Variants in ZBED1 observed in about 807,000 individuals in gnomAD.
ZBED1 encodes zinc finger BED-type containing 1, also known as E3 SUMO-protein ligase ZBED1.
A neutral mutation model predicts 49.7 loss-of-function variants in ZBED1; 19 were observed. The ratio of observed to expected loss-of-function variants is 0.38; its 90% CI spans 0.27 to 0.56. The LOEUF (loss-of-function observed/expected upper bound fraction) is 0.56, where lower values mean the gene tolerates loss of function less well. Ranked by LOEUF, ZBED1 falls within the 20% of genes least tolerant of loss-of-function variation. ZBED1 has a pLI of 0.70. For synonymous variants in ZBED1, 439 were observed against 440.3 expected (o/e 1.00, Z 0.04); for missense variants, 806 against 972.6 (o/e 0.83, Z 2.28).
intron 1 of ZBED1, among the ~76,000 whole-genome samples, chrX:2,493,583 C>G (rs2045212213): frequency 1.3e-5 from 2 of 151,696 alleles, no homozygotes; most frequent in Non-Finnish European, 2.9e-5. Flanking sequence ...GAAGAGGTCC[C>G]AGTACCAGTA....
intron 1 of ZBED1, among the ~76,000 whole-genome samples, chrX:2,493,911 G>A (rs2045220495): frequency 6.6e-6 from 1 of 152,156 alleles, no homozygotes; most frequent in Non-Finnish European, 1.5e-5. Flanking sequence ...AGCAGAGGTT[G>A]CAGTGAGCCG....
chrX:2,499,331 C>A (rs775321039), intron 1 of ZBED1, among the ~76,000 whole-genome samples: 1 of 152,210 alleles, frequency 6.6e-6, no homozygotes, highest in South Asian at 2.1e-4. Flanking sequence ...GCAACGTACA[C>A]CCCCACCCCC....
rs775532002 is a variant in ZBED1, at chrX:2,490,048, G to T, written c.672C>A (p.Asn224Lys). ...GGCAGCGGGAGCCCATGGACAGGCA[G>T]TTGGGGGCGCCCAGGCCCAGGAAGT... ...AAHFLGLGAP[N>K]CLSMGSRCLK... The change falls in exon 2 of 2, where the codon AAC (asparagine) becomes AAA (lysine). Residue 224 changes from asparagine (N) to lysine (K), a missense_variant. By Grantham distance (94) the Asn-to-Lys change is moderately conservative (BLOSUM62 0). Coordinates refer to ENST00000652001, the MANE Select transcript of ZBED1 (RefSeq NM_001171136.2). The T allele has an allele frequency of 6.2e-7, 1 of 1,613,838 alleles. No individual in the cohort carries two copies. Among genetic ancestry groups the T allele is most frequent in the South Asian group, 1.1e-5 (1 of 91,072 alleles).
At position 2,488,420 on chromosome X, in the gene ZBED1, C is replaced by T; in HGVS notation, c.*215G>A. 1.7e-6 allele frequency: 1 copy of T among 575,512 alleles called. No homozygotes were observed. The highest frequency in any genetic ancestry group is 2.9e-6 in the Non-Finnish European group (1 of 346,184). The allele number at this position is 575,512 out of a possible 1,614,324, so 35.7% of individuals were successfully genotyped here. On this transcript the variant is annotated 3_prime_UTR_variant, in exon 2 of 2. Transcript: ENST00000652001. ...GATCTCCTGACCTCAGCTGATCTGC[C>T]CACCTCGGCCTCCCAAAGTGCTGCG...
At chrX:2,499,111 G>C (rs138755603) in intron 1 of ZBED1, among the ~76,000 whole-genome samples, 5,021 of 152,138 alleles carry the variant, frequency 0.033, 119 homozygotes, top group Middle Eastern at 0.11. Context: ...AAAGGGTGGC[G>C]CTGGGACCCC....
chrX:2,497,708 T>C (rs1338129661), intron 1 of ZBED1, among the ~76,000 whole-genome samples: 1 of 152,244 alleles, frequency 6.6e-6, no homozygotes, highest in Non-Finnish European at 1.5e-5. Flanking sequence ...GGAACTGGAC[T>C]TGACTACAGG....
Position 2,489,690 on chromosome X carries a change from A to T in ZBED1, c.1030T>A (p.Cys344Ser), listed in dbSNP as rs757691458. 1 of 1,612,664 alleles carries T rather than the reference A, an allele frequency of 6.2e-7. No individual in the cohort carries two copies. Among genetic ancestry groups the T allele is most frequent in the Non-Finnish European group, 8.5e-7 (1 of 1,179,786 alleles). Residue 344 changes from cysteine (C) to serine (S), a missense_variant, in exon 2 of 2, where the codon TGC (cysteine) becomes AGC (serine). Transcript: ENST00000652001. ...GAGACGCGGTTGCTCACCAGCATGC[A>T]GTGGGCCACGTTCTGCTGCTTCTGC... ...EKQKQQNVAH[C>S]MLVSNRVSWW...
rs766403155 is a variant in ZBED1 at position 2,489,547 on chromosome X, C to T, written c.1173G>A (p.Trp391Ter). The change falls in exon 2 of 2, where the codon TGG becomes TGA. Residue 391 changes from tryptophan to a stop codon, truncating the protein, a stop_gained. Coordinates refer to ENST00000652001, the MANE Select transcript of ZBED1 (RefSeq NM_001171136.2). LOFTEE classifies it high-confidence loss of function. ...GCTCCACCAGCCCCTCGATGGTGGC[C>T]CACTCGCTGGCCTCCAGCATGAGGT... The part of the protein sequence containing the change: ...NHHLMLEASE[W>*]ATIEGLVELL... The T allele has an allele frequency of 6.2e-7, 1 of 1,612,806 alleles. No individual in the cohort carries two copies. Among genetic ancestry groups the T allele is most frequent in the East Asian group, 2.2e-5 (1 of 44,868 alleles).
In ZBED1 at chrX:2,491,862, C is replaced by A. The variant is rs1335436202; in HGVS notation, c.-53-1090G>T. 6.6e-5 allele frequency among the ~76,000 whole-genome samples: 10 copies of A among 152,194 alleles called. No individual in the cohort carries two copies. In the South Asian group the frequency reaches 1.2e-3, roughly 19 times the overall value. Reference sequence around the variant, plus strand: ...TGTGGAGGCTTAGATGACCCAGAAGCCAGTCCCCAGGGTTCCTGTTGAGGT... The same window carrying A: ...TGTGGAGGCTTAGATGACCCAGAAGACAGTCCCCAGGGTTCCTGTTGAGGT... On this transcript the variant is annotated intron_variant, in intron 1 of 1. Coordinates refer to ENST00000652001, the MANE Select transcript of ZBED1 (RefSeq NM_001171136.2).
chrX:2,495,119 CATT>C (rs2045248984), intron 1 of ZBED1, among the ~76,000 whole-genome samples: 1 of 149,548 alleles, frequency 6.7e-6, no homozygotes, highest in African/African-American at 2.5e-5. Context: ...TATATTCTAT[CATT>C]ATTATCATTA....
rs1037457636 is a variant in ZBED1 at position 2,488,373 on chromosome X, C to T, written c.*262G>A. The T allele has an allele frequency of 9.1e-6, 4 of 440,644 alleles. No individual in the cohort carries two copies. Among genetic ancestry groups the T allele is most frequent in the African/African-American group, 6.1e-5 (3 of 49,090 alleles). The allele number at this position is 440,644 out of a possible 1,614,324, so 27.3% of individuals were successfully genotyped here. Reference sequence around the variant, plus strand: ...TATTTTTAGTAGAGACGGGGTTTCGCCATGTTGGCCAGGCTGGTCTCGATC... The same window carrying T: ...TATTTTTAGTAGAGACGGGGTTTCGTCATGTTGGCCAGGCTGGTCTCGATC... On this transcript the variant is annotated 3_prime_UTR_variant, in exon 2 of 2. Coordinates refer to ENST00000652001, the MANE Select transcript of ZBED1 (RefSeq NM_001171136.2).
Position 2,489,028 on chromosome X carries a change from C to T in ZBED1, c.1692G>A (p.Trp564Ter). The T allele has an allele frequency of 6.2e-7, 1 of 1,613,124 alleles. No individual in the cohort carries two copies. Among genetic ancestry groups the T allele is most frequent in the Non-Finnish European group, 8.5e-7 (1 of 1,179,416 alleles). ...QTGGVEDQEEWHAQVVEELSN... is the reference protein window; with the variant it reads ...QTGGVEDQEE ...TCAGCTCCTCCACCACCTGGGCATG[C>T]CACTCTTCCTGGTCCTCCACGCCGC... is the stretch of plus-strand genomic sequence containing the variant. The change falls in exon 2 of 2, where the codon TGG becomes TGA. Residue 564 changes from tryptophan to a stop codon, truncating the protein, a stop_gained. Coordinates refer to ENST00000652001, the MANE Select transcript of ZBED1 (RefSeq NM_001171136.2). LOFTEE classifies it high-confidence loss of function.
intron 1 of ZBED1, among the ~76,000 whole-genome samples, chrX:2,498,771 C>G (rs1005897564): frequency 4.7e-4 from 71 of 152,226 alleles, no homozygotes; most frequent in Non-Finnish European, 9.7e-4. Flanking sequence ...TTTAAGGGGA[C>G]CTTTCTGTAA....
In ZBED1 at chrX:2,490,097, C is replaced by T. The variant is rs193222255; in HGVS notation, c.623G>A (p.Arg208His). Residue 208 changes from arginine (R) to histidine (H), a missense_variant, in exon 2 of 2, where the codon CGC becomes CAC. Around this residue, in one of 2 missense-constraint regions of ZBED1, gnomAD observed 749 missense variants for 861.3 expected, o/e 0.87. Coordinates refer to ENST00000652001, the MANE Select transcript of ZBED1 (RefSeq NM_001171136.2). ...TDMWRSENQN[R>H]AYVTLAAHFL... is the part of the protein sequence containing the mutation. ...GTGGGCGGCCAGCGTGACGTAGGCG[C>T]GGTTCTGATTCTCACTCCTCCACAT... is the stretch of plus-strand genomic sequence containing the variant. 3.7e-6 allele frequency: 6 copies of T among 1,613,838 alleles called. No homozygotes were observed. The highest frequency in any genetic ancestry group is 3.3e-5 in the Admixed American group (2 of 60,022).
In ZBED1 at chrX:2,488,472, AC is replaced by A; in HGVS notation, c.*162del. The A allele has an allele frequency of 2.0e-6, 2 of 975,926 alleles. No homozygotes were observed. Among genetic ancestry groups the A allele is most frequent in the South Asian group, 3.7e-5 (2 of 53,742 alleles). The allele number at this position is 975,926 out of a possible 1,614,324, so 60.5% of individuals were successfully genotyped here. Reference sequence around the variant, plus strand: ...TTATAGACAGGAGCCACCGCCCCCGACCCTCTCTCACTTCTCAAATCTCTTT... The same window carrying A: ...TTATAGACAGGAGCCACCGCCCCCGACCTCTCTCACTTCTCAAATCTCTTT... On this transcript the variant is annotated 3_prime_UTR_variant, in exon 2 of 2. Coordinates refer to ENST00000652001, the MANE Select transcript of ZBED1 (RefSeq NM_001171136.2).
rs1402264094 is a variant in ZBED1, at chrX:2,489,677, C to T, written c.1043G>A (p.Ser348Asn). The change falls in exon 2 of 2, where the codon AGC (serine) becomes AAC (asparagine). Residue 348 changes from serine (S) to asparagine (N), a missense_variant. Ser to Asn is a conservative substitution (Grantham distance 46). Coordinates refer to ENST00000652001, the MANE Select transcript of ZBED1 (RefSeq NM_001171136.2). ...GCTCCCCCACCAGGAGACGCGGTTGCTCACCAGCATGCAGTGGGCCACGTT... is the reference window on the plus strand; with the variant it reads ...GCTCCCCCACCAGGAGACGCGGTTGTTCACCAGCATGCAGTGGGCCACGTT... ...QQNVAHCMLV[S>N]NRVSWWGSTL... The T allele has an allele frequency of 1.9e-6, 3 of 1,612,622 alleles. No individual in the cohort carries two copies. Among genetic ancestry groups the T allele is most frequent in the Non-Finnish European group, 2.5e-6 (3 of 1,179,770 alleles).
In ZBED1 at chrX:2,487,725, C is replaced by T. The variant is rs1257097273; in HGVS notation, c.*910G>A. On this transcript the variant is annotated 3_prime_UTR_variant, in exon 2 of 2. Coordinates refer to ENST00000652001, the MANE Select transcript of ZBED1 (RefSeq NM_001171136.2). ...AACCTGTCGAAAATACAACACATTC[C>T]ACACTTTTTTTTCTGTTTGCTTTTT... The T allele has an allele frequency of 6.6e-6, 1 of 152,124 alleles. No homozygotes were observed. The highest frequency in any genetic ancestry group is 6.6e-5 in the Admixed American group (1 of 15,262). The allele number at this position is 152,124 out of a possible 1,614,324, so 9.4% of individuals were successfully genotyped here.
intron 1 of ZBED1, 87 bp from the exon 2 acceptor site, chrX:2,490,859 C>A: frequency 8.0e-7 from 1 of 1,252,434 alleles, no homozygotes. Context: ...GGTGCCGGGG[C>A]AGCTCCGCTT....
At chrX:2,499,656 C>T (rs767839256) in intron 1 of ZBED1, among the ~76,000 whole-genome samples, 47 of 152,134 alleles carry the variant, frequency 3.1e-4, no homozygotes, top group Non-Finnish European at 5.7e-4. Flanking sequence ...CCTGTAAACC[C>T]AGCACTTTGG....
Sources: gnomAD v4.1 joint callset for allele counts (sites outside exome capture counted in the v4.1 genomes callset) on GRCh38, gnomAD v4.1.1 for gene constraint, gnomAD v4.1.1 regional missense constraint, MANE v1.5 for transcripts, NCBI Gene and HGNC (gene_info 2026-07-23, HGNC 2026-07-21) for gene names.